Variants in ATXN10 observed in about 807,000 individuals in gnomAD.
The protein encoded by ATXN10 is ataxin 10, also known as ataxin-10.
ATXN10 carries 28 observed loss-of-function variants against 52.9 expected under a neutral mutation model. The ratio of observed to expected loss-of-function variants is 0.53; its 90% CI spans 0.39 to 0.73. ATXN10 has a LOEUF of 0.73. Among genes scored for constraint, ATXN10 ranks in the 30% least tolerant of loss-of-function variants. The probability of loss-of-function intolerance (pLI) is 0.00; values close to 1 mark genes in which losing one functional copy is unlikely to be tolerated. For missense variants in ATXN10, 565 were observed against 577.0 expected (o/e 0.98, Z 0.21); for synonymous variants, 226 against 221.5 (o/e 1.02, Z -0.18).
At chr22:45,698,598 ATC>A (rs1350002108) in intron 3 of ATXN10, among the ~76,000 whole-genome samples, 2 of 152,246 alleles carry the variant, frequency 1.3e-5, no homozygotes, top group Non-Finnish European at 2.9e-5. Flanking sequence ...AATATGGAAC[ATC>A]TCTCTATTTA....
At position 45,844,168 on chromosome 22, in the gene ATXN10, C is replaced by A. The variant is rs538321341; in HGVS notation, c.*497C>A. On this transcript the variant is annotated 3_prime_UTR_variant, in exon 12 of 12. Coordinates refer to ENST00000252934, the MANE Select transcript of ATXN10 (RefSeq NM_013236.4). ...GCCTTTCCAAAACATTGACAAGACT[C>A]ATTTCCAGTTAATTAATTCGAGAAC... 6.0e-6 allele frequency: 1 copy of A among 166,610 alleles called. No individual in the cohort carries two copies. Among genetic ancestry groups the A allele is most frequent in the East Asian group, 1.7e-4 (1 of 5,820 alleles). 10.3% of individuals were successfully genotyped at this position (166,610 alleles called of 1,614,324 possible). A position where few individuals can be genotyped will look rare whatever the true frequency, so the allele number is the denominator to read the frequency against.
At chr22:45,832,467 T>C (rs574921859) in intron 10 of ATXN10, among the ~76,000 whole-genome samples, 1 of 152,344 alleles carries the variant, frequency 6.6e-6, no homozygotes, top group African/African-American at 2.4e-5. Flanking sequence ...CTAACTCCCC[T>C]CTTTCCCCAA....
chr22:45,689,412 T>G, intron 1 of ATXN10: 1 of 415,774 alleles, frequency 2.4e-6, no homozygotes, highest in Non-Finnish European at 4.5e-6. Flanking sequence ...GAGTGATTTG[T>G]GCAAGTTACT....
At chr22:45,707,818 C>G (rs1249494504) in intron 5 of ATXN10, among the ~76,000 whole-genome samples, 2 of 151,940 alleles carry the variant, frequency 1.3e-5, no homozygotes, top group East Asian at 1.9e-4. Flanking sequence ...CATTTGGTAA[C>G]AAACAATGAG....
chr22:45,687,536 T>C (rs920866408), intron 1 of ATXN10, among the ~76,000 whole-genome samples: 1 of 152,220 alleles, frequency 6.6e-6, no homozygotes, highest in Non-Finnish European at 1.5e-5. Flanking sequence ...AGAGGCGTTA[T>C]TGAAGCTTAT....
chr22:45,682,231 A>G (rs938673744), intron 1 of ATXN10, among the ~76,000 whole-genome samples: 22 of 151,944 alleles, frequency 1.4e-4, no homozygotes, highest in Non-Finnish European at 2.1e-4. Flanking sequence ...TTTTCTGCCT[A>G]TATTTACTTT....
At chr22:45,792,930 A>T in intron 9 of ATXN10, 1 of 396,982 alleles carries the variant, frequency 2.5e-6, no homozygotes, top group Non-Finnish European at 5.2e-6. Flanking sequence ...AGCCACATGA[A>T]GATCATAGAT....
At chr22:45,815,413 T>C (rs981637980) in intron 10 of ATXN10, among the ~76,000 whole-genome samples, 1 of 152,174 alleles carries the variant, frequency 6.6e-6, no homozygotes, top group Non-Finnish European at 1.5e-5. Flanking sequence ...GAAGTACACG[T>C]GAAAGAACTT....
At position 45,825,212 on chromosome 22, in the gene ATXN10, G is replaced by A. The variant is rs1047673410; in HGVS notation, c.1238-17779G>A. ...TTTGATCACAGAGGTACAGACAAAG[G>A]AGTGGAGACCATTATTGTTGCATCT... On this transcript the variant is annotated intron_variant, in intron 10 of 11. Transcript: ENST00000252934. This position sits in a 1 kb window ranked among gnomAD's most constrained non-coding sequence, Gnocchi z 4.5. Among the ~76,000 whole-genome samples, 10 of 152,192 alleles carry A rather than the reference G, an allele frequency of 6.6e-5. No individual in the cohort carries two copies. The highest frequency in any genetic ancestry group is 1.5e-4 in the Non-Finnish European group (10 of 68,036).
At chr22:45,779,248 C>T (rs1471668367) in intron 9 of ATXN10, among the ~76,000 whole-genome samples, 3 of 152,184 alleles carry the variant, frequency 2.0e-5, no homozygotes, top group East Asian at 1.9e-4. Flanking sequence ...CTACTCATCT[C>T]GAGAAATTAT....
At position 45,766,565 on chromosome 22, in the gene ATXN10, G is replaced by T. The variant is rs1326744235; in HGVS notation, c.1173+26027G>T. On this transcript the variant is annotated intron_variant, in intron 9 of 11. Transcript: ENST00000252934. The surrounding 1 kb of genome is among the most constrained non-coding windows in gnomAD (Gnocchi z 4.6). ...TTTGAATAAACTGTAAATGGCACAG[G>T]TGTAAATGTAACAGCACCTGAACCC... Among the ~76,000 whole-genome samples the T allele has an allele frequency of 6.6e-6, 1 of 152,148 alleles. No homozygotes were observed. The highest frequency in any genetic ancestry group is 1.5e-5 in the Non-Finnish European group (1 of 68,028).
rs1338162921 is a variant in ATXN10 at position 45,820,186 on chromosome 22, C to T, written c.1237+13164C>T. On this transcript the variant is annotated intron_variant, in intron 10 of 11. Coordinates refer to ENST00000252934, the MANE Select transcript of ATXN10 (RefSeq NM_013236.4). The surrounding 1 kb of genome is among the most constrained non-coding windows in gnomAD (Gnocchi z 4.9). Reference sequence around the variant, plus strand: ...CTGTTGGATTCTGTGAAGGGTTCTTCGAAGGAAAATCTCTAATGGGACTTA... The same window carrying T: ...CTGTTGGATTCTGTGAAGGGTTCTTTGAAGGAAAATCTCTAATGGGACTTA... Among the ~76,000 whole-genome samples, 3 of 152,176 alleles carry T rather than the reference C, an allele frequency of 2.0e-5. No individual in the cohort carries two copies. The highest frequency in any genetic ancestry group is 2.1e-4 in the South Asian group (1 of 4,834).
chr22:45,752,874 C>T (rs1200965931), intron 9 of ATXN10, among the ~76,000 whole-genome samples: 2 of 152,014 alleles, frequency 1.3e-5, no homozygotes, highest in Non-Finnish European at 2.9e-5. Context: ...GCTGGGATTA[C>T]AGGCATGCGC....
At chr22:45,830,934 T>C (rs1345383339) in intron 10 of ATXN10, among the ~76,000 whole-genome samples, 1 of 152,222 alleles carries the variant, frequency 6.6e-6, no homozygotes, top group East Asian at 1.9e-4. Context: ...CAGCATTATG[T>C]GCAGTAGCCA....
intron 10 of ATXN10, among the ~76,000 whole-genome samples, chr22:45,810,063 A>G (rs1426566197): frequency 2.0e-5 from 3 of 152,142 alleles, no homozygotes; most frequent in Non-Finnish European, 4.4e-5. Context: ...CCTTTTATAT[A>G]TATATGTCAA....
chr22:45,714,216 A>C (rs1296378288), intron 5 of ATXN10, among the ~76,000 whole-genome samples: 1 of 150,798 alleles, frequency 6.6e-6, no homozygotes, highest in Non-Finnish European at 1.5e-5. Flanking sequence ...GAGTTGGAGA[A>C]CCTTTTTTTT....
chr22:45,819,023 C>T lies in ATXN10; in HGVS notation c.1237+12001C>T, dbSNP rs1159074939. 1.3e-5 allele frequency among the ~76,000 whole-genome samples: 2 copies of T among 152,078 alleles called. No homozygotes were observed. The highest frequency in any genetic ancestry group is 2.9e-5 in the Non-Finnish European group (2 of 68,014). ...CATGCCTAAATAATTTCACCTTAAT[C>T]GTCACTATTCTAGACCAGTTGTAAG... On this transcript the variant is annotated intron_variant, in intron 10 of 11. Coordinates refer to ENST00000252934, the MANE Select transcript of ATXN10 (RefSeq NM_013236.4). This position sits in a 1 kb window ranked among gnomAD's most constrained non-coding sequence, Gnocchi z 4.5.
At chr22:45,836,649 G>T (rs1394094747) in intron 10 of ATXN10, among the ~76,000 whole-genome samples, 2 of 152,202 alleles carry the variant, frequency 1.3e-5, no homozygotes, top group African/African-American at 4.8e-5. Flanking sequence ...GGGTGAGGAG[G>T]TTGCCTTTTC....
chr22:45,763,747 C>T lies in ATXN10; in HGVS notation c.1173+23209C>T, dbSNP rs1172784537. Among the ~76,000 whole-genome samples, 3 of 152,196 alleles carry T rather than the reference C, an allele frequency of 2.0e-5. No homozygotes were observed. The highest frequency in any genetic ancestry group is 4.4e-5 in the Non-Finnish European group (3 of 68,030). Reference sequence around the variant, plus strand: ...TTTGTCTGCTCTGCTCTTCGCAACCCTAGAATGTAAGTACAAGGAGGATAG... The same window carrying T: ...TTTGTCTGCTCTGCTCTTCGCAACCTTAGAATGTAAGTACAAGGAGGATAG... On this transcript the variant is annotated intron_variant, in intron 9 of 11. Coordinates refer to ENST00000252934, the MANE Select transcript of ATXN10 (RefSeq NM_013236.4). This position sits in a 1 kb window ranked among gnomAD's most constrained non-coding sequence, Gnocchi z 6.9.
Sources: gnomAD v4.1 joint callset for allele counts (sites outside exome capture counted in the v4.1 genomes callset) on GRCh38, gnomAD v4.1.1 for gene constraint, Gnocchi (gnomAD v3.1) non-coding constraint, MANE v1.5 for transcripts, NCBI Gene and HGNC (gene_info 2026-07-23, HGNC 2026-07-21) for gene names.